KLF12: variants seen among roughly 807,000 people sequenced by gnomAD.
KLF12 encodes the protein KLF transcription factor 12, also known as Krueppel-like factor 12.
In KLF12, 9 loss-of-function variants were observed where a neutral mutation model predicts 37.8. The observed-to-expected ratio is 0.24, with a 90% confidence interval of 0.14 to 0.42. The LOEUF (loss-of-function observed/expected upper bound fraction) is 0.42. Among genes scored for constraint, KLF12 ranks in the 10% least tolerant of loss-of-function variants. The probability of loss-of-function intolerance (pLI) is 1.00; values close to 1 mark genes in which losing one functional copy is unlikely to be tolerated. For missense variants in KLF12, 411 were observed against 516.0 expected (o/e 0.80, Z 1.97); for synonymous variants, 208 against 202.1 (o/e 1.03, Z -0.25).
At chr13:73,696,517 A>AT (rs1874164576) in intron 7 of KLF12, among the ~76,000 whole-genome samples, 2 of 152,112 alleles carry the variant, frequency 1.3e-5, no homozygotes, top group Non-Finnish European at 2.9e-5. Flanking sequence ...CAGGTGTGCC[A>AT]TTTTCCTGGA....
intron 5 of KLF12, 26 bp from the exon 6 acceptor site, chr13:73,765,026 T>G (rs1167897396): frequency 7.1e-7 from 1 of 1,407,506 alleles, no homozygotes; most frequent in East Asian, 2.3e-5. Context: ...AATAATCCAG[T>G]CATTGAAAAA....
chr13:74,127,962 G>A (rs557888366), intron 1 of KLF12, among the ~76,000 whole-genome samples: 26 of 152,026 alleles, frequency 1.7e-4, no homozygotes, highest in African/African-American at 5.8e-4. Context: ...TAAAATTAAG[G>A]GCATTCTTTT....
intron 1 of KLF12, among the ~76,000 whole-genome samples, chr13:74,057,989 T>C (rs1045209443): frequency 4.7e-5 from 7 of 150,288 alleles, no homozygotes; most frequent in Non-Finnish European, 1.5e-5. Context: ...TTTTTTGAGA[T>C]GGAGTCTCAC....
At chr13:73,953,954 GTTTTGTT>G (rs1566480103) in intron 2 of KLF12, among the ~76,000 whole-genome samples, 8 of 144,796 alleles carry the variant, frequency 5.5e-5, no homozygotes, top group Non-Finnish European at 9.0e-5. Context: ...AAGTAATTAG[GTTTTGTT>G]TTTTCTTTCT....
the KLF12 span, among the ~76,000 whole-genome samples, chr13:74,157,707 T>C: frequency 6.6e-6 from 1 of 152,230 alleles, no homozygotes; most frequent in Non-Finnish European, 1.5e-5. Context: ...TGTCCTCAAA[T>C]GCTGAAGAGA....
Position 74,128,280 on chromosome 13 carries a change from A to G in KLF12, c.-32+5459T>C, listed in dbSNP as rs1878054851. ...TTGACTGCCAGAGTTTTCTACCCAC[A>G]CTCGGAAATTCCTTCCCCATAAGTG... On this transcript the variant is annotated intron_variant, in intron 1 of 7. Transcript: ENST00000377669. Among the ~76,000 whole-genome samples, 3 of 152,118 alleles carry G rather than the reference A, an allele frequency of 2.0e-5. No individual in the cohort carries two copies. In the South Asian group the frequency reaches 6.2e-4, roughly 32 times the overall value.
At chr13:74,135,176 G>C (rs894029665), upstream of KLF12, among the ~76,000 whole-genome samples, 6 of 152,028 alleles carry the variant, frequency 3.9e-5, no homozygotes, top group African/African-American at 1.2e-4. Context: ...ACCTTGGCGG[G>C]ATGAATGGGG....
At chr13:74,160,064 C>A in the KLF12 span, among the ~76,000 whole-genome samples, 3 of 150,444 alleles carry the variant, frequency 2.0e-5, no homozygotes, top group Admixed American at 6.6e-5. Flanking sequence ...TCATGGTCTA[C>A]CTGGTGGTTA....
chr13:74,149,857 C>A, the KLF12 span, among the ~76,000 whole-genome samples: 1 of 152,314 alleles, frequency 6.6e-6, no homozygotes, highest in Non-Finnish European at 1.5e-5. Context: ...CACACCAGAT[C>A]ATCCCGTCCA....
intron 3 of KLF12, among the ~76,000 whole-genome samples, chr13:73,917,692 G>T (rs1006723760): frequency 5.3e-5 from 8 of 152,092 alleles, no homozygotes; most frequent in Non-Finnish European, 1.0e-4. Context: ...ACTAAATCTG[G>T]CAAACAGGCA....
intron 3 of KLF12, among the ~76,000 whole-genome samples, chr13:73,918,803 A>G (rs1230022541): frequency 6.6e-6 from 1 of 152,276 alleles, no homozygotes; most frequent in South Asian, 2.1e-4. Flanking sequence ...CCTAACTGCT[A>G]TTGTGAGGTT....
chr13:73,720,608 C>T (rs1200481789), intron 6 of KLF12, among the ~76,000 whole-genome samples: 2 of 152,106 alleles, frequency 1.3e-5, no homozygotes, highest in Non-Finnish European at 2.9e-5. Flanking sequence ...ACAGGTACCA[C>T]GTTGTAATAA....
intron 1 of KLF12, among the ~76,000 whole-genome samples, chr13:74,017,342 C>A (rs1593833151): frequency 7.2e-6 from 1 of 139,124 alleles, no homozygotes; most frequent in East Asian, 2.2e-4. Context: ...AATTATCTCA[C>A]AAAAACTTTA....
In KLF12 at chr13:73,845,930, C is replaced by T. The variant is rs201265780; in HGVS notation, c.567G>A (p.Val189=). ...TGTAGACAACAGGCACCGACTGTAC[C>T]ACCACGGGGATGCGGTGAACATGAC... Residue 189 remains valine (V), a synonymous_variant, in exon 4 of 8, where the codon GTG becomes GTA. Coordinates refer to ENST00000377669, the MANE Select transcript of KLF12 (RefSeq NM_007249.5). The T allele has an allele frequency of 2.5e-6, 4 of 1,614,084 alleles. No individual in the cohort carries two copies. The South Asian group carries it at 4.4e-5, about 18-fold the overall frequency.
chr13:74,033,094 T>G (rs1330116244), intron 1 of KLF12, among the ~76,000 whole-genome samples: 1 of 152,184 alleles, frequency 6.6e-6, no homozygotes, highest in Non-Finnish European at 1.5e-5. Flanking sequence ...TGACATGTAC[T>G]GTATACAAAT....
chr13:74,017,766 T>A (rs1227570048), intron 1 of KLF12, among the ~76,000 whole-genome samples: 2 of 151,802 alleles, frequency 1.3e-5, no homozygotes, highest in Non-Finnish European at 2.9e-5. Context: ...AAGCAAACAG[T>A]CTGAGTTGAA....
chr13:74,275,814 CT>C, the KLF12 span, among the ~76,000 whole-genome samples: 10 of 92,044 alleles, frequency 1.1e-4, no homozygotes, highest in East Asian at 2.6e-3. Context: ...TTCCTTCTTT[CT>C]TTCTTTCTTT....
In KLF12 at chr13:73,813,311, T is replaced by C. The variant is rs1335231084; in HGVS notation, c.671-24A>G. 6 of 1,612,984 alleles carry C rather than the reference T, an allele frequency of 3.7e-6. No individual in the cohort carries two copies. In the Admixed American group the frequency reaches 8.3e-5, roughly 22 times the overall value. Reference sequence around the variant, plus strand: ...TGCTGGAGAGAAAAGGCATATATAATGAATTAAAATCAGTGCGCAGAAAGT... The same window carrying C: ...TGCTGGAGAGAAAAGGCATATATAACGAATTAAAATCAGTGCGCAGAAAGT... On this transcript the variant is annotated intron_variant, in intron 4 of 7. Transcript: ENST00000377669.
intron 4 of KLF12, among the ~76,000 whole-genome samples, chr13:73,818,979 G>C (rs781173179): frequency 4.6e-5 from 7 of 152,222 alleles, no homozygotes; most frequent in Admixed American, 1.3e-4. Flanking sequence ...GAGGGCAGAG[G>C]GGGAGTGCAG....
Sources: gnomAD v4.1 joint callset for allele counts (sites outside exome capture counted in the v4.1 genomes callset) on GRCh38, gnomAD v4.1.1 for gene constraint, MANE v1.5 for transcripts, NCBI Gene and HGNC (gene_info 2026-07-23, HGNC 2026-07-21) for gene names.